Variants in NLRP6 observed in about 807,000 individuals in gnomAD.
NLRP6 encodes NLR family pyrin domain containing 6, also known as NACHT, LRR and PYD domains-containing protein 6.
NLRP6 carries 55 observed loss-of-function variants against 70.9 expected under a neutral mutation model. The observed-to-expected ratio is 0.78, with a 90% CI of 0.62 to 0.97. The LOEUF is 0.97. NLRP6 is among the 50% of genes least tolerant of loss of function. NLRP6 has a pLI of 0.00. For missense variants in NLRP6, 1,241 were observed against 1,238.3 expected (o/e 1.00, Z -0.03); for synonymous variants, 652 against 581.9 (o/e 1.12, Z -1.73).
chr11:284,697 G>T, intron 7 of NLRP6, 55 bp downstream of exon 7: 1 of 1,523,564 alleles, frequency 6.6e-7, no homozygotes, highest in Non-Finnish European at 8.9e-7. Context: ...CCCGGGGAGG[G>T]GGAGGGTGCC....
Position 280,280 on chromosome 11 carries a change from C to A in NLRP6, c.546C>A (p.Phe182Leu). The A allele has an allele frequency of 6.6e-7, 1 of 1,511,744 alleles. No homozygotes were observed. The highest frequency in any genetic ancestry group is 8.8e-7 in the Non-Finnish European group (1 of 1,130,068). The allele number at this position is 1,511,744 out of a possible 1,614,324, so 93.6% of individuals were successfully genotyped here. ...GRARRSDTHT[F>L]NRLFRRDEEG... ...CGCGGCGCTCGGACACGCACACTTT[C>A]AACCGCCTCTTCCGCCGCGACGAGG... Residue 182 changes from phenylalanine to leucine, a missense_variant, in exon 4 of 8, where the codon TTC (phenylalanine) becomes TTA (leucine). By Grantham distance (22) the Phe-to-Leu change is conservative (BLOSUM62 0). Transcript: ENST00000534750.
In NLRP6 at chr11:281,734, C is replaced by T. The variant is rs1845482604; in HGVS notation, c.2000C>T (p.Pro667Leu). The T allele has an allele frequency of 6.2e-7, 1 of 1,612,904 alleles. No individual in the cohort carries two copies. Among genetic ancestry groups the T allele is most frequent in the Non-Finnish European group, 8.5e-7 (1 of 1,179,970 alleles). The change falls in exon 4 of 8, where the codon CCT becomes CTT. Residue 667 changes from proline to leucine, a missense_variant. Pro to Leu is a moderately conservative substitution (Grantham distance 98, BLOSUM62 -3). Transcript: ENST00000534750. Reference protein sequence around the residue: ...AVLSYCVRCCPAGQALRLISC... With the variant: ...AVLSYCVRCCLAGQALRLISC... Reference sequence around the variant, plus strand: ...CTGAGCTACTGCGTGAGGTGCTGCCCTGCTGGACAGGCACTGCGGCTGATC... The same window carrying T: ...CTGAGCTACTGCGTGAGGTGCTGCCTTGCTGGACAGGCACTGCGGCTGATC...
Position 281,662 on chromosome 11 carries a change from A to G in NLRP6, c.1928A>G (p.Glu643Gly), listed in dbSNP as rs1457766062. Residue 643 changes from glutamate to glycine, a missense_variant, in exon 4 of 8, where the codon GAG becomes GGG. Transcript: ENST00000534750. ...FVRQALCRFP[E>G]LALQRVRFCR... ...CGCCAAGCCCTGTGCCGGTTCCCGG[A>G]GCTGGCGCTGCAGCGAGTGCGCTTC... is the stretch of plus-strand genomic sequence containing the variant. 2 of 1,613,272 alleles carry G rather than the reference A, an allele frequency of 1.2e-6. No homozygotes were observed. The highest frequency in any genetic ancestry group is 1.3e-5 in the African/African-American group (1 of 74,942).
rs142913074 is a variant in NLRP6, at chr11:281,751, C to A, written c.2017C>A (p.Arg673=). The A allele has an allele frequency of 8.1e-6, 13 of 1,611,578 alleles. No individual in the cohort carries two copies. The highest frequency in any genetic ancestry group is 1.0e-5 in the Non-Finnish European group (12 of 1,179,672). The change falls in exon 4 of 8, where the codon CGG becomes AGG. Residue 673 remains arginine, a synonymous_variant. Transcript: ENST00000534750. ...GTGCTGCCCTGCTGGACAGGCACTGCGGCTGATCAGCTGCAGATTGGTTGC... is the reference window on the plus strand; with the variant it reads ...GTGCTGCCCTGCTGGACAGGCACTGAGGCTGATCAGCTGCAGATTGGTTGC... The part of the protein sequence containing the change: ...VRCCPAGQAL[R]LISCRLVAAQ...
intron 3 of NLRP6, 46 bp from the exon 4 acceptor site, chr11:280,038 C>T (rs1191444204): frequency 6.3e-6 from 9 of 1,437,126 alleles, no homozygotes; most frequent in Middle Eastern, 2.4e-4. Context: ...GCGCAGCCTG[C>T]CCCACCTCCG....
At chr11:285,046 G>C in intron 7 of NLRP6, 120 bp from the exon 8 acceptor site, 1 of 807,574 alleles carries the variant, frequency 1.2e-6, no homozygotes, top group Non-Finnish European at 2.0e-6. Flanking sequence ...CCGCAGCCCG[G>C]CCACCCCCAC....
intron 7 of NLRP6, 114 bp downstream of exon 7, chr11:284,756 C>T: frequency 2.0e-6 from 2 of 995,308 alleles, no homozygotes; most frequent in African/African-American, 1.6e-5. Flanking sequence ...AGAGACCTCC[C>T]ATGTGACTGA....
rs757007754 is a variant in NLRP6, at chr11:281,430, A to G, written c.1696A>G (p.Met566Val). 26 of 1,607,316 alleles carry G rather than the reference A, an allele frequency of 1.6e-5. No homozygotes were observed. In the African/African-American group the frequency reaches 2.7e-4, roughly 17 times the overall value. Residue 566 changes from methionine (M) to valine (V), a missense_variant, in exon 4 of 8, where the codon ATG (methionine) becomes GTG (valine). By Grantham distance (21) the Met-to-Val change is conservative. Transcript: ENST00000534750. ...MRDIERHFGC[M>V]VSERVKQEAL... Reference sequence around the variant, plus strand: ...CGACATCGAGCGCCACTTCGGCTGCATGGTTTCAGAGCGTGTGAAGCAGGA... The same window carrying G: ...CGACATCGAGCGCCACTTCGGCTGCGTGGTTTCAGAGCGTGTGAAGCAGGA...
Position 281,856 on chromosome 11 carries a change from G to T in NLRP6, c.2105+17G>T, listed in dbSNP as rs1845485520. The T allele has an allele frequency of 6.4e-7, 1 of 1,553,538 alleles. No individual in the cohort carries two copies. The highest frequency in any genetic ancestry group is 1.2e-5 in the South Asian group (1 of 84,130). On this transcript the variant is annotated intron_variant, in intron 4 of 7. Coordinates refer to ENST00000534750, the MANE Select transcript of NLRP6 (RefSeq NM_001276700.2). ...TGGCGGCAGGTGCGTCTCCAGGGCA[G>T]AGATACTCTCTTGTGTGTGAGGTGT...
rs756042577 is a variant in NLRP6 at position 285,255 on chromosome 11, C to T, written c.2627C>T (p.Ala876Val). The stretch of plus-strand genomic sequence containing the variant: ...CCGGATCTGGTCATCACACACCCAG[C>T]GCTGGACGGCCACCCACAACCTCCC... ...AKPDLVITHPALDGHPQPPKE... is the reference protein window; with the variant it reads ...AKPDLVITHPVLDGHPQPPKE... The change falls in exon 8 of 8, where the codon GCG becomes GTG. Residue 876 changes from alanine (A) to valine (V), a missense_variant. Ala to Val is a moderately conservative substitution (Grantham distance 64). Coordinates refer to ENST00000534750, the MANE Select transcript of NLRP6 (RefSeq NM_001276700.2). 1.7e-5 allele frequency: 27 copies of T among 1,607,632 alleles called. No individual in the cohort carries two copies. The highest frequency in any genetic ancestry group is 1.6e-4 in the Middle Eastern group (1 of 6,078).
chr11:281,378 C>A lies in NLRP6; in HGVS notation c.1644C>A (p.Phe548Leu). The change falls in exon 4 of 8, where the codon TTC becomes TTA. Residue 548 changes from phenylalanine (F) to leucine (L), a missense_variant. Transcript: ENST00000534750. ...TGGTGCTCACCACGCGCTTCCTCTT[C>A]GGACTGCTGAGCGCGGAGCGGATGC... ...SHLVLTTRFL[F>L]GLLSAERMRD... 6.2e-7 allele frequency: 1 copy of A among 1,610,454 alleles called. No homozygotes were observed. Among genetic ancestry groups the A allele is most frequent in the Non-Finnish European group, 8.5e-7 (1 of 1,178,970 alleles).
chr11:281,624 G>A lies in NLRP6; in HGVS notation c.1890G>A (p.Glu630=). 2 of 1,612,888 alleles carry A rather than the reference G, an allele frequency of 1.2e-6. No individual in the cohort carries two copies. The highest frequency in any genetic ancestry group is 1.7e-6 in the Non-Finnish European group (2 of 1,179,642). Residue 630 remains glutamate (E), a synonymous_variant, in exon 4 of 8, where the codon GAG becomes GAA. Coordinates refer to ENST00000534750, the MANE Select transcript of NLRP6 (RefSeq NM_001276700.2). ...ELLYCLYETQ[E]DAFVRQALCR... Reference sequence around the variant, plus strand: ...TGTACTGCCTGTACGAGACGCAGGAGGACGCGTTTGTGCGCCAAGCCCTGT... The same window carrying A: ...TGTACTGCCTGTACGAGACGCAGGAAGACGCGTTTGTGCGCCAAGCCCTGT...
intron 2 of NLRP6, 95 bp downstream of exon 2, chr11:279,702 C>A: frequency 7.4e-7 from 1 of 1,349,926 alleles, no homozygotes; most frequent in South Asian, 1.7e-5. Context: ...TCCCCGGCCC[C>A]CGCGCGTTTT....
At chr11:283,863 C>T (rs575048667) in intron 5 of NLRP6, among the ~76,000 whole-genome samples, 2 of 151,124 alleles carry the variant, frequency 1.3e-5, no homozygotes, top group East Asian at 3.9e-4. Flanking sequence ...TTCAGCACAC[C>T]ATTATTTATA....
chr11:279,281 T>A, intron 1 of NLRP6, 46 bp from the exon 2 acceptor site: 1 of 586,722 alleles, frequency 1.7e-6, no homozygotes, highest in African/African-American at 2.0e-5. Flanking sequence ...CGGGCGGGGG[T>A]CACCCGAGGG....
At position 284,496 on chromosome 11, in the gene NLRP6, G is replaced by C. The variant is rs1490153733; in HGVS notation, c.2391G>C (p.Gln797His). The part of the protein sequence containing the change: ...QTVRVQLPDP[Q>H]RGLQYLVGML... ...ACAGGGTACAGCTGCCTGACCCCCA[G>C]CGAGGGCTCCAGTACCTGGTGGGTA... Residue 797 changes from glutamine to histidine, a missense_variant, in exon 7 of 8, where the codon CAG (glutamine) becomes CAC (histidine). Coordinates refer to ENST00000534750, the MANE Select transcript of NLRP6 (RefSeq NM_001276700.2). 44 of 1,612,948 alleles carry C rather than the reference G, an allele frequency of 2.7e-5. No homozygotes were observed. The highest frequency in any genetic ancestry group is 3.6e-5 in the Non-Finnish European group (43 of 1,179,824).
In NLRP6 at chr11:281,783, G is replaced by T; in HGVS notation, c.2049G>T (p.Gln683His). The change falls in exon 4 of 8, where the codon CAG becomes CAT. Residue 683 changes from glutamine (Q) to histidine (H), a missense_variant. By Grantham distance (24) the Gln-to-His change is conservative. Transcript: ENST00000534750. ...TCAGCTGCAGATTGGTTGCTGCGCA[G>T]GAGAAGAAGAAGAAGAGCCTGGGGA... ...RLISCRLVAA[Q>H]EKKKKSLGKR... 2 of 1,605,024 alleles carry T rather than the reference G, an allele frequency of 1.2e-6. No homozygotes were observed. Among genetic ancestry groups the T allele is most frequent in the Non-Finnish European group, 1.7e-6 (2 of 1,178,178 alleles).
At chr11:279,958 G>T (rs1845443103) in intron 3 of NLRP6, 86 bp downstream of exon 3, 28 of 1,425,530 alleles carry the variant, frequency 2.0e-5, no homozygotes, top group Non-Finnish European at 2.4e-5. Flanking sequence ...GCCGCCAGGG[G>T]CGTGGGCTGT....
At position 279,450 on chromosome 11, in the gene NLRP6, C is replaced by T; in HGVS notation, c.153C>T (p.Ile51=). The change falls in exon 2 of 8, where the codon ATC becomes ATT. Residue 51 remains isoleucine (I), a synonymous_variant. Coordinates refer to ENST00000534750, the MANE Select transcript of NLRP6 (RefSeq NM_001276700.2). The stretch of plus-strand genomic sequence containing the variant: ...ACGTGGGCCCGGACGGACGCAGCAT[C>T]CCGTGGGGGCGGCTGGAGCGCGCGG... The part of the protein sequence containing the change: ...LRDVGPDGRS[I]PWGRLERADA... 26 of 1,402,070 alleles carry T rather than the reference C, an allele frequency of 1.9e-5. No individual in the cohort carries two copies. The highest frequency in any genetic ancestry group is 2.4e-5 in the Non-Finnish European group (26 of 1,080,388). 86.9% of individuals were successfully genotyped at this position (1,402,070 alleles called of 1,614,324 possible).
Sources: gnomAD v4.1 joint callset for allele counts (sites outside exome capture counted in the v4.1 genomes callset) on GRCh38, gnomAD v4.1.1 for gene constraint, MANE v1.5 for transcripts, NCBI Gene and HGNC (gene_info 2026-07-23, HGNC 2026-07-21) for gene names.